The following COA7 variants were observed in gnomAD, a reference collection of about 807,000 sequenced individuals.
COA7 encodes cytochrome c oxidase assembly factor 7.
COA7 carries 12 observed loss-of-function variants against 21.0 expected under a neutral mutation model. That is an observed-to-expected ratio of 0.57 (90% CI 0.37 to 0.92). COA7 has a LOEUF of 0.92. Ranked by LOEUF, COA7 falls within the 40% of genes least tolerant of loss-of-function variation. The pLI is 0.01. For synonymous variants in COA7, 95 were observed against 107.4 expected (o/e 0.88, Z 0.72); for missense variants, 240 against 286.1 (o/e 0.84, Z 1.16).
At chr1:52,698,125 C>T in intron 1 of COA7, 96 bp downstream of exon 1, 2 of 884,474 alleles carry the variant, frequency 2.3e-6, no homozygotes, top group Admixed American at 2.0e-5. Flanking sequence ...CCGCCCGCCA[C>T]GTGATTCCTT....
intron 1 of COA7, among the ~76,000 whole-genome samples, chr1:52,697,457 G>C (rs1410198262): frequency 2.0e-5 from 3 of 152,142 alleles, no homozygotes; most frequent in African/African-American, 7.2e-5. Context: ...CTTCTTCAAG[G>C]CTTTATTCAA....
In COA7 at chr1:52,687,849, A is replaced by AT; in HGVS notation, c.566dup (p.Asn189LysfsTer13). ...CCCCCAGCTTGTACATGCGACTGGC[A>AT]TTGGCACAGGCCCAGATATGACCCA... On this transcript the variant is annotated frameshift_variant, in exon 3 of 3. Transcript: ENST00000371538. LOFTEE classifies it high-confidence loss of function. 1 of 1,614,230 alleles carries AT rather than the reference A, an allele frequency of 6.2e-7. No individual in the cohort carries two copies. The highest frequency in any genetic ancestry group is 8.5e-7 in the Non-Finnish European group (1 of 1,180,036).
At chr1:52,698,100 C>A (rs1332649442) in intron 1 of COA7, 121 bp downstream of exon 1, 2 of 747,696 alleles carry the variant, frequency 2.7e-6, no homozygotes, top group East Asian at 2.7e-5. Flanking sequence ...CACCGCGATC[C>A]ACAGACCCCG....
At chr1:52,693,708 T>A (rs1349417638) in intron 1 of COA7, among the ~76,000 whole-genome samples, 2 of 151,042 alleles carry the variant, frequency 1.3e-5, no homozygotes, top group South Asian at 2.1e-4. Flanking sequence ...AGAGAAAGAG[T>A]AGAGGCGGCA....
Position 52,688,067 on chromosome 1 carries a change from G to A in COA7, c.349C>T (p.Leu117=). 1 of 1,614,164 alleles carries A rather than the reference G, an allele frequency of 6.2e-7. No homozygotes were observed. Among genetic ancestry groups the A allele is most frequent in the Non-Finnish European group, 8.5e-7 (1 of 1,180,034 alleles). Residue 117 remains leucine, a synonymous_variant, in exon 3 of 3, where the codon CTG becomes TTG. Coordinates refer to ENST00000371538, the MANE Select transcript of COA7 (RefSeq NM_023077.3). ...SIAACHNVGL[L]AHDGQVNEDG... ...TCATTAACCTGTCCATCATGTGCCA[G>A]GAGGCCAACGTTGTGACATGCTGCT... is the stretch of plus-strand genomic sequence containing the variant.
In COA7 at chr1:52,697,416, A is replaced by G. The variant is rs191062345; in HGVS notation, c.106+805T>C. On this transcript the variant is annotated intron_variant, in intron 1 of 2. Coordinates refer to ENST00000371538, the MANE Select transcript of COA7 (RefSeq NM_023077.3). ...AGGGCGTCTTCGCCAGCTGTTACCT[A>G]TGGTAAGAACTGCATGGTTCACTCC... Among the ~76,000 whole-genome samples, 60 of 152,230 alleles carry G rather than the reference A, an allele frequency of 3.9e-4. No homozygotes were observed. The East Asian group carries it at 0.011, about 28-fold the overall frequency.
Position 52,684,717 on chromosome 1 carries a change from ATAATT to A in COA7, c.*2998_*3002del, listed in dbSNP as rs1184531413. The A allele has an allele frequency of 9.9e-5, 15 of 152,272 alleles. No homozygotes were observed. Among genetic ancestry groups the A allele is most frequent in the African/African-American group, 3.6e-4 (15 of 41,554 alleles). The allele number at this position is 152,272 out of a possible 1,614,324, so 9.4% of individuals were successfully genotyped here. A position where few individuals can be genotyped will look rare whatever the true frequency, so the allele number is the denominator to read the frequency against. On this transcript the variant is annotated 3_prime_UTR_variant, in exon 3 of 3. Transcript: ENST00000371538. ...GACATATGTACAATGACAGGTATTT[ATAATT>A]ATAGTATCATACAGAGTAGTTTCGC...
rs1454460843 is a variant in COA7 at position 52,686,677 on chromosome 1, T to C, written c.*1043A>G. ...GTTAGCCAGGATGGTCATGATCTCC[T>C]GATCTCGTGATCCACCCGCCTTGGC... On this transcript the variant is annotated 3_prime_UTR_variant, in exon 3 of 3. Coordinates refer to ENST00000371538, the MANE Select transcript of COA7 (RefSeq NM_023077.3). 3 of 152,114 alleles carry C rather than the reference T, an allele frequency of 2.0e-5. No individual in the cohort carries two copies. The highest frequency in any genetic ancestry group is 2.9e-5 in the Non-Finnish European group (2 of 68,058). 9.4% of individuals were successfully genotyped at this position (152,114 alleles called of 1,614,324 possible).
intron 1 of COA7, among the ~76,000 whole-genome samples, chr1:52,695,216 C>G: frequency 6.6e-6 from 1 of 151,370 alleles, no homozygotes; most frequent in African/African-American, 2.4e-5. Flanking sequence ...ATCACTTGAA[C>G]CCGGGAGGCA....
intron 2 of COA7, among the ~76,000 whole-genome samples, chr1:52,692,369 C>G (rs1213162875): frequency 6.6e-6 from 1 of 152,066 alleles, no homozygotes; most frequent in East Asian, 1.9e-4. Flanking sequence ...AATTACTGAC[C>G]CCTTACTCTG....
At chr1:52,693,403 T>C (rs1309023375) in intron 1 of COA7, among the ~76,000 whole-genome samples, 1 of 151,646 alleles carries the variant, frequency 6.6e-6, no homozygotes, top group Non-Finnish European at 1.5e-5. Flanking sequence ...GGTAAAACCC[T>C]GTCTCTACTA....
rs1266681384 is a variant in COA7 at position 52,686,354 on chromosome 1, TA to T, written c.*1365del. ...TCAGGACGGCTGCAAAACGGAAGCC[TA>T]AAACAGTAGATGGTGACAGAATGGT... On this transcript the variant is annotated 3_prime_UTR_variant, in exon 3 of 3. Coordinates refer to ENST00000371538, the MANE Select transcript of COA7 (RefSeq NM_023077.3). The T allele has an allele frequency of 1.3e-5, 2 of 152,080 alleles. No homozygotes were observed. The highest frequency in any genetic ancestry group is 2.9e-5 in the Non-Finnish European group (2 of 68,022). 9.4% of individuals were successfully genotyped at this position (152,080 alleles called of 1,614,324 possible).
At chr1:52,694,461 GAAAA>G (rs59226724) in intron 1 of COA7, among the ~76,000 whole-genome samples, 19 of 64,982 alleles carry the variant, frequency 2.9e-4, no homozygotes, top group African/African-American at 9.4e-4. Flanking sequence ...ACTCCATCTC[GAAAA>G]AAAAAAAAAA....
intron 1 of COA7, among the ~76,000 whole-genome samples, chr1:52,694,417 G>A (rs952986455): frequency 1.7e-4 from 24 of 139,116 alleles, no homozygotes; most frequent in African/African-American, 6.3e-4. Flanking sequence ...CCGAGATAGC[G>A]CCATTGCGCT....
intron 2 of COA7, 105 bp from the exon 3 acceptor site, chr1:52,688,273 T>C: frequency 1.1e-6 from 1 of 900,188 alleles, no homozygotes; most frequent in Non-Finnish European, 1.6e-6. Flanking sequence ...AGAAAGGGTC[T>C]TGCTTTGTTA....
rs777292936 is a variant in COA7 at position 52,687,853 on chromosome 1, G to T, written c.563C>A (p.Ala188Asp). Residue 188 changes from alanine to aspartate, a missense_variant, in exon 3 of 3, where the codon GCC (alanine) becomes GAC (aspartate). By Grantham distance (126) the Ala-to-Asp change is moderately radical (BLOSUM62 -2). This residue lies in a region of COA7 where 163 missense variants were observed against 214.1 expected (regional missense o/e 0.76). Coordinates refer to ENST00000371538, the MANE Select transcript of COA7 (RefSeq NM_023077.3). ...CAGCTTGTACATGCGACTGGCATTG[G>T]CACAGGCCCAGATATGACCCAGGTC... is the stretch of plus-strand genomic sequence containing the variant. Reference protein sequence around the residue: ...ACDLGHIWACANASRMYKLGD... With the variant: ...ACDLGHIWACDNASRMYKLGD... 1 of 1,614,236 alleles carries T rather than the reference G, an allele frequency of 6.2e-7. No homozygotes were observed. The highest frequency in any genetic ancestry group is 1.1e-5 in the South Asian group (1 of 91,084).
chr1:52,692,881 G>T lies in COA7; in HGVS notation c.107-14C>A. 6.2e-7 allele frequency: 1 copy of T among 1,613,978 alleles called. No homozygotes were observed. Among genetic ancestry groups the T allele is most frequent in the East Asian group, 2.2e-5 (1 of 44,884 alleles). ...GCCGATAGCAACCTGCGAGAAGAGG[G>T]CAAGGGTTGTTCTTCATGTCTGGGG... On this transcript the variant is annotated splice_polypyrimidine_tract_variant and intron_variant, in intron 1 of 2. Coordinates refer to ENST00000371538, the MANE Select transcript of COA7 (RefSeq NM_023077.3).
chr1:52,688,117 C>CA lies in COA7; in HGVS notation c.298dup (p.Cys100LeufsTer2), dbSNP rs761674560. On this transcript the variant is annotated frameshift_variant, in exon 3 of 3. Coordinates refer to ENST00000371538, the MANE Select transcript of COA7 (RefSeq NM_023077.3). LOFTEE classifies it high-confidence loss of function. The stretch of plus-strand genomic sequence containing the variant: ...TATTGACTTCTTTCCAGGCTTCTCA[C>CA]ACGCCATCAAAAAGCACCTGGCGGC... 3 of 1,613,798 alleles carry CA rather than the reference C, an allele frequency of 1.9e-6. No individual in the cohort carries two copies. Among genetic ancestry groups the CA allele is most frequent in the Non-Finnish European group, 2.5e-6 (3 of 1,180,042 alleles).
chr1:52,695,792 G>A (rs564977997), intron 1 of COA7, among the ~76,000 whole-genome samples: 87 of 152,206 alleles, frequency 5.7e-4, no homozygotes, highest in African/African-American at 2.0e-3. Flanking sequence ...CAGTCGCTAC[G>A]GTAACTATAG....
Sources: gnomAD v4.1 joint callset for allele counts (sites outside exome capture counted in the v4.1 genomes callset) on GRCh38, gnomAD v4.1.1 for gene constraint, gnomAD v4.1.1 regional missense constraint, MANE v1.5 for transcripts, NCBI Gene and HGNC (gene_info 2026-07-23, HGNC 2026-07-21) for gene names.